The following PEAK1 variants were observed in gnomAD, a reference collection of about 807,000 sequenced individuals.
The protein encoded by PEAK1 is pseudopodium enriched atypical kinase 1.
In PEAK1, 54 loss-of-function variants were observed where a neutral mutation model predicts 124.7. The observed-to-expected ratio is 0.43, with a 90% confidence interval of 0.35 to 0.54. The LOEUF is 0.54. Among genes scored for constraint, PEAK1 ranks in the 20% least tolerant of loss-of-function variants. The pLI is 0.01. For synonymous variants in PEAK1, 719 were observed against 760.0 expected, an observed-to-expected ratio of 0.95 and a Z score of 0.89; for missense variants, 2,046 against 2,134.5, an observed-to-expected ratio of 0.96 and a Z score of 0.82.
chr15:77,346,400 G>C, intron 2 of PEAK1: 2 of 983,248 alleles, frequency 2.0e-6, no homozygotes, highest in South Asian at 4.7e-5. Context: ...TTATGAGAAG[G>C]CAATTTCATT....
At chr15:77,271,977 G>A (rs2062060606) in intron 5 of PEAK1, among the ~76,000 whole-genome samples, 1 of 152,038 alleles carries the variant, frequency 6.6e-6, no homozygotes, top group Non-Finnish European at 1.5e-5. Context: ...TCAAAACCAT[G>A]CAAATATATG....
At chr15:77,415,548 AC>A (rs1243276003) in intron 1 of PEAK1, among the ~76,000 whole-genome samples, 1 of 152,200 alleles carries the variant, frequency 6.6e-6, no homozygotes, top group Admixed American at 6.5e-5. Context: ...GGCACATGCC[AC>A]AGCACTTGGC....
At chr15:77,236,011 C>A (rs1355747440) in intron 6 of PEAK1, among the ~76,000 whole-genome samples, 1 of 152,220 alleles carries the variant, frequency 6.6e-6, no homozygotes, top group East Asian at 1.9e-4. Flanking sequence ...AGAGGATGTA[C>A]AGAAACACTC....
chr15:77,221,731 C>T (rs972880529), intron 6 of PEAK1, among the ~76,000 whole-genome samples: 1 of 152,062 alleles, frequency 6.6e-6, no homozygotes, highest in African/African-American at 2.4e-5. Context: ...AGCCTATATG[C>T]TTGTATTTCA....
chr15:77,312,545 T>A (rs1437141873), intron 2 of PEAK1, among the ~76,000 whole-genome samples: 1 of 152,252 alleles, frequency 6.6e-6, no homozygotes, highest in East Asian at 1.9e-4. Context: ...AACAACAATT[T>A]AAACACACAG....
Position 77,133,682 on chromosome 15 carries a change from T to A in PEAK1, c.3400A>T (p.Ile1134Phe), listed in dbSNP as rs1260335891. ...TGGTCTGTTTTCCCTCCAAAGGCGA[T>A]GGCATCGTCCACAGCTCCCTTGGGC... is the stretch of plus-strand genomic sequence containing the variant. ...RQPKGAVDDA[I>F]AFGGKTDQEA... The change falls in exon 9 of 10, where the codon ATC becomes TTC. Residue 1134 changes from isoleucine (I) to phenylalanine (F), a missense_variant. Physicochemically the swap from Ile to Phe is conservative, Grantham distance 21 (BLOSUM62 0). Transcript: ENST00000682557. This position sits in a 1 kb window ranked among gnomAD's most constrained non-coding sequence, Gnocchi z 4.2. 6.2e-7 allele frequency: 1 copy of A among 1,614,124 alleles called. No individual in the cohort carries two copies. The highest frequency in any genetic ancestry group is 2.2e-5 in the East Asian group (1 of 44,872).
At chr15:77,106,912 C>G (rs2050759834), downstream of PEAK1, 1 of 152,250 alleles carries the variant, frequency 6.6e-6, no homozygotes, top group African/African-American at 2.4e-5. Context: ...CTAGGCAAAA[C>G]TCCCAGTGGA....
At chr15:77,294,534 C>T (rs1357997426) in intron 2 of PEAK1, among the ~76,000 whole-genome samples, 1 of 152,020 alleles carries the variant, frequency 6.6e-6, no homozygotes, top group South Asian at 2.1e-4. Flanking sequence ...AAAGATAATG[C>T]TTATTTATTT....
chr15:77,105,559 C>T (rs750546159), downstream of PEAK1: 5 of 152,180 alleles, frequency 3.3e-5, no homozygotes, highest in Non-Finnish European at 7.3e-5. Flanking sequence ...CTGCTCTTAA[C>T]AACAACTTGT....
chr15:77,182,133 T>C (rs1400751604), intron 6 of PEAK1, 93 bp from the exon 7 acceptor site: 1 of 1,171,902 alleles, frequency 8.5e-7, no homozygotes, highest in Non-Finnish European at 1.1e-6. Context: ...ACTCCATTCC[T>C]AAACTTTTCC....
At chr15:77,319,817 C>T (rs956627081) in intron 2 of PEAK1, among the ~76,000 whole-genome samples, 14 of 152,108 alleles carry the variant, frequency 9.2e-5, no homozygotes, top group Non-Finnish European at 1.3e-4. Flanking sequence ...CCATTTAGAG[C>T]AGTGCAAATT....
At chr15:77,385,875 G>A (rs1160065544) in intron 1 of PEAK1, among the ~76,000 whole-genome samples, 2 of 152,198 alleles carry the variant, frequency 1.3e-5, no homozygotes. Flanking sequence ...GCTTAGGGCA[G>A]AATATATGAA....
At position 77,108,563 on chromosome 15, in the gene PEAK1, T is replaced by C. The variant is rs530779018; in HGVS notation, c.*5593A>G. ...TAAAGGAAGGGATAACCAAGTAGTA[T>C]TTGGAGCAAGTTCCTGAAACAGTGT... On this transcript the variant is annotated 3_prime_UTR_variant, in exon 10 of 10. Transcript: ENST00000682557. 3.9e-5 allele frequency: 6 copies of C among 152,344 alleles called. No individual in the cohort carries two copies. Among genetic ancestry groups the C allele is most frequent in the African/African-American group, 1.4e-4 (6 of 41,582 alleles). 9.4% of individuals were successfully genotyped at this position (152,344 alleles called of 1,614,324 possible). A position where few individuals can be genotyped will look rare whatever the true frequency, so the allele number is the denominator to read the frequency against.
intron 5 of PEAK1, among the ~76,000 whole-genome samples, chr15:77,276,378 A>G (rs2062328115): frequency 6.6e-6 from 1 of 152,224 alleles, no homozygotes; most frequent in Non-Finnish European, 1.5e-5. Flanking sequence ...GGGGAAAAAC[A>G]GTTTAATGAC....
chr15:77,307,122 A>C (rs1336188793), intron 2 of PEAK1, among the ~76,000 whole-genome samples: 1 of 152,170 alleles, frequency 6.6e-6, no homozygotes, highest in Non-Finnish European at 1.5e-5. Context: ...TTATTAAACC[A>C]TAAGTAACCT....
chr15:77,260,091 C>T (rs555592506), intron 5 of PEAK1, among the ~76,000 whole-genome samples: 1 of 152,010 alleles, frequency 6.6e-6, no homozygotes, highest in African/African-American at 2.4e-5. Flanking sequence ...GACATAGGAC[C>T]AAGAATTCAA....
chr15:77,182,278 A>G (rs1320937045), intron 6 of PEAK1, among the ~76,000 whole-genome samples: 2 of 152,110 alleles, frequency 1.3e-5, no homozygotes, highest in African/African-American at 2.4e-5. Flanking sequence ...CTTCAGCTTG[A>G]TGTCTCTGTT....
intron 7 of PEAK1, among the ~76,000 whole-genome samples, chr15:77,167,438 T>A (rs2056180902): frequency 6.6e-6 from 1 of 152,226 alleles, no homozygotes; most frequent in African/African-American, 2.4e-5. Context: ...ATTTATCAGT[T>A]TTCTCTAAAA....
intron 9 of PEAK1, among the ~76,000 whole-genome samples, chr15:77,115,721 G>C (rs1463887592): frequency 1.3e-5 from 2 of 152,182 alleles, no homozygotes; most frequent in African/African-American, 4.8e-5. Context: ...CTTCTGTAGA[G>C]GTTTGTAGCC....
Sources: allele counts gnomAD v4.1 joint callset (sites outside exome capture counted in the v4.1 genomes callset), GRCh38; gene constraint gnomAD v4.1.1; non-coding constraint Gnocchi (gnomAD v3.1); transcripts MANE v1.5; gene names NCBI Gene and HGNC (gene_info 2026-07-23, HGNC 2026-07-21).